The following SPOPL variants were observed in gnomAD, a reference collection of about 807,000 sequenced individuals.
SPOPL encodes speckle type BTB/POZ protein like.
Under a neutral mutation model 53.8 loss-of-function variants are expected in SPOPL, and 23 were observed. The ratio of observed to expected loss-of-function variants is 0.43; its 90% confidence interval spans 0.31 to 0.61. The LOEUF (loss-of-function observed/expected upper bound fraction) is 0.61, where lower values mean the gene tolerates loss of function less well. Among genes scored for constraint, SPOPL ranks in the 20% least tolerant of loss-of-function variants. The probability of loss-of-function intolerance (pLI) is 0.12; values close to 1 mark genes in which losing one functional copy is unlikely to be tolerated. For synonymous variants in SPOPL, 164 were observed against 149.7 expected (o/e 1.10, Z -0.70); for missense variants, 442 against 466.9 (o/e 0.95, Z 0.49).
chr2:138,507,395 A>G (rs1684237606), intron 1 of SPOPL, among the ~76,000 whole-genome samples: 1 of 152,228 alleles, frequency 6.6e-6, no homozygotes, highest in Non-Finnish European at 1.5e-5. Context: ...TAGAATTCAG[A>G]GACTAGGGAC....
At chr2:138,551,934 A>G (rs2104893106) in intron 4 of SPOPL, among the ~76,000 whole-genome samples, 1 of 152,172 alleles carries the variant, frequency 6.6e-6, no homozygotes, top group East Asian at 1.9e-4. Context: ...TCTATTACAA[A>G]TTACACAAAA....
intron 1 of SPOPL, among the ~76,000 whole-genome samples, chr2:138,529,498 CTGTGTG>C (rs58483992): frequency 0.046 from 6,769 of 147,636 alleles, 191 homozygotes; most frequent in South Asian, 0.054. Context: ...ATGCATGTGC[CTGTGTG>C]TGTGTGTGTG....
chr2:138,557,110 C>T (rs536265303), intron 5 of SPOPL, among the ~76,000 whole-genome samples: 5 of 151,846 alleles, frequency 3.3e-5, no homozygotes, highest in South Asian at 2.1e-4. Context: ...GAGCAGAGAT[C>T]GCGCCACTGC....
chr2:138,521,562 T>C lies in SPOPL; in HGVS notation c.-61+19443T>C, dbSNP rs374702025. ...CTTAGTTTAATTTTTAGTTGTTTTT[T>C]TTGTGTGTGTGGGAGAACCCTGGCA... is the stretch of plus-strand genomic sequence containing the variant. On this transcript the variant is annotated intron_variant, in intron 1 of 10. Coordinates refer to ENST00000280098, the MANE Select transcript of SPOPL (RefSeq NM_001001664.3). Among the ~76,000 whole-genome samples, 296 of 152,246 alleles carry C rather than the reference T, an allele frequency of 1.9e-3. 14 individuals are homozygous for C. In the South Asian group the frequency reaches 0.052, roughly 27 times the overall value.
At chr2:138,518,973 A>G (rs1684502136) in intron 1 of SPOPL, among the ~76,000 whole-genome samples, 1 of 152,208 alleles carries the variant, frequency 6.6e-6, no homozygotes. Flanking sequence ...TTTACCGGAC[A>G]CTGTACTAGG....
intron 1 of SPOPL, among the ~76,000 whole-genome samples, chr2:138,527,582 A>G (rs1454817084): frequency 6.6e-6 from 1 of 152,136 alleles, no homozygotes; most frequent in Non-Finnish European, 1.5e-5. Flanking sequence ...GTCTTATTCA[A>G]TTGTACTTTA....
At chr2:138,531,077 G>A (rs1684796320) in intron 1 of SPOPL, among the ~76,000 whole-genome samples, 1 of 151,762 alleles carries the variant, frequency 6.6e-6, no homozygotes, top group Admixed American at 6.6e-5. Flanking sequence ...TCCTTTTTCT[G>A]TTAATGGGCT....
At chr2:138,563,540 A>G (rs1427528144) in intron 8 of SPOPL, among the ~76,000 whole-genome samples, 3 of 152,194 alleles carry the variant, frequency 2.0e-5, no homozygotes, top group Admixed American at 2.0e-4. Context: ...TCAAGCCATC[A>G]TTAGATATTC....
Position 138,572,238 on chromosome 2 carries a change from TGTGAAAACA to T in SPOPL, c.*3162_*3170del, listed in dbSNP as rs1685798949. On this transcript the variant is annotated 3_prime_UTR_variant, in exon 11 of 11. Transcript: ENST00000280098. ...GTGATCAATTTACTGCATGATGAAATGTGAAAACAGTGCCTTTTTAGGACATCAATTATA... is the reference window on the plus strand; with the variant it reads ...GTGATCAATTTACTGCATGATGAAATGTGCCTTTTTAGGACATCAATTATA... 1 of 152,576 alleles carries T rather than the reference TGTGAAAACA, an allele frequency of 6.6e-6. No homozygotes were observed. Among genetic ancestry groups the T allele is most frequent in the Non-Finnish European group, 1.5e-5 (1 of 68,020 alleles). 9.5% of individuals were successfully genotyped at this position (152,576 alleles called of 1,614,324 possible). A position where few individuals can be genotyped will look rare whatever the true frequency, so the allele number is the denominator to read the frequency against.
chr2:138,516,793 C>G (rs1684447255), intron 1 of SPOPL, among the ~76,000 whole-genome samples: 2 of 152,210 alleles, frequency 1.3e-5, no homozygotes, highest in Non-Finnish European at 2.9e-5. Context: ...TGAAAGAACT[C>G]TTAATTGCTC....
At chr2:138,545,474 C>T (rs919352678) in intron 1 of SPOPL, among the ~76,000 whole-genome samples, 1 of 151,916 alleles carries the variant, frequency 6.6e-6, no homozygotes, top group Non-Finnish European at 1.5e-5. Flanking sequence ...TGCTCTGTCG[C>T]CCAGGCTGGA....
chr2:138,553,119 T>C (rs1374219543), intron 5 of SPOPL, among the ~76,000 whole-genome samples: 1 of 152,070 alleles, frequency 6.6e-6, no homozygotes, highest in Non-Finnish European at 1.5e-5. Flanking sequence ...TTCTGATTGT[T>C]CAGGCGGTTG....
Position 138,571,293 on chromosome 2 carries a change from T to A in SPOPL, c.*2213T>A, listed in dbSNP as rs1685775645. The A allele has an allele frequency of 6.6e-6, 1 of 152,594 alleles. No individual in the cohort carries two copies. The allele number at this position is 152,594 out of a possible 1,614,324, so 9.5% of individuals were successfully genotyped here. On this transcript the variant is annotated 3_prime_UTR_variant, in exon 11 of 11. Transcript: ENST00000280098. ...AATTCACCGCTTGAATCTATATTTC[T>A]AACCACAGTGACTTCAGTAAAAATA...
intron 1 of SPOPL, among the ~76,000 whole-genome samples, chr2:138,525,314 G>A (rs183534610): frequency 1.7e-4 from 26 of 152,206 alleles, no homozygotes; most frequent in South Asian, 1.2e-3. Flanking sequence ...CCCATGACTC[G>A]TCTCCCATCG....
chr2:138,536,001 G>C (rs1265588725), intron 1 of SPOPL, among the ~76,000 whole-genome samples: 1 of 151,646 alleles, frequency 6.6e-6, no homozygotes, highest in Non-Finnish European at 1.5e-5. Context: ...TTACCTTTTT[G>C]TTGACATTCT....
At chr2:138,511,364 G>A (rs576974601) in intron 1 of SPOPL, among the ~76,000 whole-genome samples, 72 of 152,182 alleles carry the variant, frequency 4.7e-4, no homozygotes, top group Middle Eastern at 3.4e-3. Flanking sequence ...AGGTGTATTC[G>A]CACATGGGCC....
At chr2:138,513,243 C>T (rs768814139) in intron 1 of SPOPL, among the ~76,000 whole-genome samples, 7 of 152,300 alleles carry the variant, frequency 4.6e-5, no homozygotes, top group Admixed American at 6.5e-5. Flanking sequence ...CATAGCAAGA[C>T]ATTGTCTCTA....
chr2:138,566,939 TA>T (rs1355411510), intron 10 of SPOPL, among the ~76,000 whole-genome samples: 2 of 152,070 alleles, frequency 1.3e-5, no homozygotes, highest in African/African-American at 4.8e-5. Flanking sequence ...TTAGCAGAAG[TA>T]AGAAGGAAGT....
intron 1 of SPOPL, among the ~76,000 whole-genome samples, chr2:138,506,122 T>C (rs2104852141): frequency 6.6e-6 from 1 of 152,312 alleles, no homozygotes; most frequent in East Asian, 1.9e-4. Flanking sequence ...AATTTTTGCT[T>C]TAAAAAAATC....
Sources: gnomAD v4.1 joint callset for allele counts (sites outside exome capture counted in the v4.1 genomes callset) on GRCh38, gnomAD v4.1.1 for gene constraint, MANE v1.5 for transcripts, NCBI Gene and HGNC (gene_info 2026-07-23, HGNC 2026-07-21) for gene names.